The following FOXN4 variants were observed in gnomAD, a reference collection of about 807,000 sequenced individuals.
FOXN4 encodes the protein forkhead box protein N4.
Under a neutral mutation model 45.0 loss-of-function variants are expected in FOXN4, and 12 were observed. That is an observed-to-expected ratio of 0.27 (90% confidence interval 0.17 to 0.43). The LOEUF (loss-of-function observed/expected upper bound fraction) is 0.43, where lower values mean the gene tolerates loss of function less well. Ranked by LOEUF, FOXN4 falls within the 20% of genes least tolerant of loss-of-function variation. The pLI is 1.00. For missense variants in FOXN4, 560 were observed against 694.9 expected, an observed-to-expected ratio of 0.81 and a Z score of 2.18; for synonymous variants, 297 against 295.0, an observed-to-expected ratio of 1.01 and a Z score of -0.07.
At position 109,287,291 on chromosome 12, in the gene FOXN4, G is replaced by T; in HGVS notation, c.596+106C>A. On this transcript the variant is annotated intron_variant, in intron 6 of 9. Coordinates refer to ENST00000299162, the MANE Select transcript of FOXN4 (RefSeq NM_213596.3). This position sits in a 1 kb window ranked among gnomAD's most constrained non-coding sequence, Gnocchi z 4.1. ...CCCCACTCCCCAAAACCTCCCCCTT[G>T]GAAGTCTGGGCTGCCACACTAGCTG... 7.0e-7 allele frequency: 1 copy of T among 1,435,220 alleles called. No individual in the cohort carries two copies. The highest frequency in any genetic ancestry group is 9.4e-7 in the Non-Finnish European group (1 of 1,061,054). 88.9% of individuals were successfully genotyped at this position (1,435,220 alleles called of 1,614,324 possible).
chr12:109,285,208 A>G, intron 8 of FOXN4, 96 bp downstream of exon 8: 1 of 1,478,308 alleles, frequency 6.8e-7, no homozygotes, highest in Non-Finnish European at 9.1e-7. Context: ...AGGGTTGGCC[A>G]TGCTCTGGTG....
rs1487396236 is a variant in FOXN4 at position 109,287,472 on chromosome 12, G to A, written c.521C>T (p.Pro174Leu). The A allele has an allele frequency of 2.6e-6, 4 of 1,550,662 alleles. No individual in the cohort carries two copies. The highest frequency in any genetic ancestry group is 3.5e-6 in the Non-Finnish European group (4 of 1,146,546). ...GPPFGVRPPY[P>L]QPHVAVHSSQ... ...TGAATGCACAGCCACGTGGGGCTGG[G>A]GGTAGGGGGGCCGCACCCCAAATGG... The change falls in exon 6 of 10, where the codon CCC (proline) becomes CTC (leucine). Residue 174 changes from proline to leucine, a missense_variant. Physicochemically the swap from Pro to Leu is moderately conservative, Grantham distance 98. Around this residue, in one of 5 missense-constraint regions of FOXN4, gnomAD observed 61 missense variants for 59.8 expected, o/e 1.02. Coordinates refer to ENST00000299162, the MANE Select transcript of FOXN4 (RefSeq NM_213596.3). The surrounding 1 kb of genome is among the most constrained non-coding windows in gnomAD (Gnocchi z 4.1).
In FOXN4 at chr12:109,290,155, G is replaced by C. The variant is rs937942321; in HGVS notation, c.218C>G (p.Pro73Arg). 8.4e-6 allele frequency: 13 copies of C among 1,548,782 alleles called. No homozygotes were observed. The Admixed American group carries it at 2.0e-4, about 23-fold the overall frequency. ...GRVDLGGPCV[P>R]HPHPGALAGV... ...CCTGAGCCTACCTGGGTGTGGATGTGGCACGCAGGGGCCACCCAGGTCCAC... is the reference window on the plus strand; with the variant it reads ...CCTGAGCCTACCTGGGTGTGGATGTCGCACGCAGGGGCCACCCAGGTCCAC... Residue 73 changes from proline (P) to arginine (R), a missense_variant, in exon 3 of 10, where the codon CCA (proline) becomes CGA (arginine). Pro to Arg is a moderately radical substitution (Grantham distance 103, BLOSUM62 -2). Coordinates refer to ENST00000299162, the MANE Select transcript of FOXN4 (RefSeq NM_213596.3). This position sits in a 1 kb window ranked among gnomAD's most constrained non-coding sequence, Gnocchi z 5.1.
rs2047632426 is a variant in FOXN4 at position 109,279,572 on chromosome 12, C to T, written c.*99G>A. 13 of 1,503,258 alleles carry T rather than the reference C, an allele frequency of 8.6e-6. No homozygotes were observed. Among genetic ancestry groups the T allele is most frequent in the East Asian group, 2.5e-5 (1 of 40,444 alleles). The allele number at this position is 1,503,258 out of a possible 1,614,324, so 93.1% of individuals were successfully genotyped here. A position where few individuals can be genotyped will look rare whatever the true frequency, so the allele number is the denominator to read the frequency against. On this transcript the variant is annotated 3_prime_UTR_variant, in exon 10 of 10. Coordinates refer to ENST00000299162, the MANE Select transcript of FOXN4 (RefSeq NM_213596.3). ...TTCGCCACAGGTCCAGGAGAGGCTT[C>T]GGGGACAATGAGGGACCTGCCTTCT... is the stretch of plus-strand genomic sequence containing the variant.
intron 2 of FOXN4, among the ~76,000 whole-genome samples, chr12:109,304,186 G>C (rs1279318465): frequency 3.9e-5 from 4 of 102,356 alleles, no homozygotes; most frequent in African/African-American, 1.5e-4. Context: ...GCCAGACTCC[G>C]TCAAAAAAAA....
rs746954105 is a variant in FOXN4, at chr12:109,281,562, T to A, written c.1139A>T (p.Gln380Leu). 6.2e-7 allele frequency: 1 copy of A among 1,608,874 alleles called. No homozygotes were observed. The highest frequency in any genetic ancestry group is 1.7e-5 in the Admixed American group (1 of 58,988). ...HLAPDSPAPA[Q>L]TPPLHALPDL... ...CGGCAGGGCGTGCAGTGGCGGGGTCTGGGCTGGTGCTGGAGAGTCTGGAGC... is the reference window on the plus strand; with the variant it reads ...CGGCAGGGCGTGCAGTGGCGGGGTCAGGGCTGGTGCTGGAGAGTCTGGAGC... Residue 380 changes from glutamine (Q) to leucine (L), a missense_variant, in exon 9 of 10, where the codon CAG becomes CTG. Coordinates refer to ENST00000299162, the MANE Select transcript of FOXN4 (RefSeq NM_213596.3).
rs2047910662 is a variant in FOXN4, at chr12:109,305,244, T to G, written c.86+2992A>C. ...AGCCTTGGTTTCCTCATTCACCAAA[T>G]GGGCCCAAGAGTTCTACCTTCATGG... On this transcript the variant is annotated intron_variant, in intron 2 of 9. Coordinates refer to ENST00000299162, the MANE Select transcript of FOXN4 (RefSeq NM_213596.3). Among the ~76,000 whole-genome samples the G allele has an allele frequency of 2.0e-5, 3 of 152,178 alleles. No individual in the cohort carries two copies. In the South Asian group the frequency reaches 6.2e-4, roughly 32 times the overall value.
chr12:109,301,461 C>T (rs2047868411), intron 2 of FOXN4, among the ~76,000 whole-genome samples: 1 of 152,210 alleles, frequency 6.6e-6, no homozygotes, highest in African/African-American at 2.4e-5. Context: ...TGACCTGGCA[C>T]TCGACCATCT....
chr12:109,287,797 G>A lies in FOXN4; in HGVS notation c.468+47C>T, dbSNP rs1379087233. The A allele has an allele frequency of 1.4e-6, 2 of 1,480,760 alleles. No individual in the cohort carries two copies. The highest frequency in any genetic ancestry group is 1.3e-5 in the South Asian group (1 of 77,610). The allele number at this position is 1,480,760 out of a possible 1,614,324, so 91.7% of individuals were successfully genotyped here. On this transcript the variant is annotated intron_variant, in intron 5 of 9. Transcript: ENST00000299162. This position sits in a 1 kb window ranked among gnomAD's most constrained non-coding sequence, Gnocchi z 4.1. ...CAGAGGGGTCCCCGGCCAGCCCAAGGCAGGGTGTCTGCTGCTCAGTCCAGG... is the reference window on the plus strand; with the variant it reads ...CAGAGGGGTCCCCGGCCAGCCCAAGACAGGGTGTCTGCTGCTCAGTCCAGG...
chr12:109,303,624 G>A (rs573551665), intron 2 of FOXN4, among the ~76,000 whole-genome samples: 3 of 152,276 alleles, frequency 2.0e-5, no homozygotes, highest in East Asian at 1.9e-4. Flanking sequence ...CATCCAGCAC[G>A]AGGATCCAGA....
In FOXN4 at chr12:109,278,446, C is replaced by A. The variant is rs547180480; in HGVS notation, c.*1225G>T. Reference sequence around the variant, plus strand: ...GTCTCTCTTCTAACCCAGCTATCTGCGGAACTTGCCACTTGGGGAGTCAGT... The same window carrying A: ...GTCTCTCTTCTAACCCAGCTATCTGAGGAACTTGCCACTTGGGGAGTCAGT... On this transcript the variant is annotated 3_prime_UTR_variant, in exon 10 of 10. Transcript: ENST00000299162. 3 of 152,178 alleles carry A rather than the reference C, an allele frequency of 2.0e-5. No homozygotes were observed. The highest frequency in any genetic ancestry group is 2.9e-5 in the Non-Finnish European group (2 of 68,038). 9.4% of individuals were successfully genotyped at this position (152,178 alleles called of 1,614,324 possible). A position where few individuals can be genotyped will look rare whatever the true frequency, so the allele number is the denominator to read the frequency against.
chr12:109,285,191 C>T lies in FOXN4; in HGVS notation c.901+113G>A. On this transcript the variant is annotated intron_variant, in intron 8 of 9. Transcript: ENST00000299162. ...GTGTGTGCGCGTGCGTATGCATCGG[C>T]TTCACCAGGGTTGGCCATGCTCTGG... 2.2e-6 allele frequency: 3 copies of T among 1,335,496 alleles called. No homozygotes were observed. The South Asian group carries it at 3.8e-5, about 17-fold the overall frequency. 82.7% of individuals were successfully genotyped at this position (1,335,496 alleles called of 1,614,324 possible). A position where few individuals can be genotyped will look rare whatever the true frequency, so the allele number is the denominator to read the frequency against.
rs975674045 is a variant in FOXN4 at position 109,279,735 on chromosome 12, G to A, written c.1490C>T (p.Ser497Leu). Residue 497 changes from serine to leucine, a missense_variant, in exon 10 of 10, where the codon TCG becomes TTG. Ser to Leu is a moderately radical substitution (Grantham distance 145). Transcript: ENST00000299162. ...GTACTGGGAGGAGGAGCTGGTGCCC[G>A]ATGCAGCCACACTGTCCGGAGTGGA... is the stretch of plus-strand genomic sequence containing the variant. ...AYSTPDSVAA[S>L]GTSSSSQYLG... 2.2e-5 allele frequency: 35 copies of A among 1,581,250 alleles called. No individual in the cohort carries two copies. Among genetic ancestry groups the A allele is most frequent in the Middle Eastern group, 3.3e-4 (2 of 6,028 alleles).
chr12:109,307,217 G>A (rs1297556909), intron 2 of FOXN4, among the ~76,000 whole-genome samples: 1 of 152,250 alleles, frequency 6.6e-6, no homozygotes, highest in African/African-American at 2.4e-5. Flanking sequence ...CACTCCTGGT[G>A]AGTTGCAGTG....
At position 109,288,976 on chromosome 12, in the gene FOXN4, T is replaced by A. The variant is rs2047741688; in HGVS notation, c.233-796A>T. Among the ~76,000 whole-genome samples, 1 of 152,260 alleles carries A rather than the reference T, an allele frequency of 6.6e-6. No homozygotes were observed. Among genetic ancestry groups the A allele is most frequent in the Non-Finnish European group, 1.5e-5 (1 of 68,048 alleles). ...TGGGACCACAACTTATATCATTCAT[T>A]GCTCCAAATGCCTGGCACAGTAACA... On this transcript the variant is annotated intron_variant, in intron 3 of 9. Coordinates refer to ENST00000299162, the MANE Select transcript of FOXN4 (RefSeq NM_213596.3). This position sits in a 1 kb window ranked among gnomAD's most constrained non-coding sequence, Gnocchi z 4.3.
Position 109,287,940 on chromosome 12 carries a change from G to A in FOXN4, c.372C>T (p.Pro124=), listed in dbSNP as rs755366175. Residue 124 remains proline, a synonymous_variant, in exon 5 of 10, where the codon CCC becomes CCT. Transcript: ENST00000299162. This position sits in a 1 kb window ranked among gnomAD's most constrained non-coding sequence, Gnocchi z 4.1. ...GGCCAGATGAGGGCTGGCCCCCCACGGGGAACTGGCTCATCTGCTGGGCAG... is the reference window on the plus strand; with the variant it reads ...GGCCAGATGAGGGCTGGCCCCCCACAGGGAACTGGCTCATCTGCTGGGCAG... ...TGHRDSMSQF[P]VGGQPSSGLQ... 1.3e-4 allele frequency: 195 copies of A among 1,549,448 alleles called. No individual in the cohort carries two copies. Among genetic ancestry groups the A allele is most frequent in the Non-Finnish European group, 1.6e-4 (185 of 1,146,916 alleles).
At chr12:109,285,610 G>T in intron 7 of FOXN4, 99 bp from the exon 8 acceptor site, 1 of 1,270,182 alleles carries the variant, frequency 7.9e-7, no homozygotes, top group Non-Finnish European at 1.1e-6. Context: ...CACCGCGGTG[G>T]CAGGAGTAAT....
At chr12:109,285,154 G>A in intron 8 of FOXN4, 150 bp downstream of exon 8, 3 of 955,032 alleles carry the variant, frequency 3.1e-6, no homozygotes, top group Non-Finnish European at 4.8e-6. Flanking sequence ...TTGTGTGTGT[G>A]CGCATATTTG....
At position 109,293,587 on chromosome 12, in the gene FOXN4, T is replaced by A. The variant is rs546094171; in HGVS notation, c.87-3301A>T. Among the ~76,000 whole-genome samples, 5 of 152,256 alleles carry A rather than the reference T, an allele frequency of 3.3e-5. No homozygotes were observed. In the East Asian group the frequency reaches 9.6e-4, roughly 29 times the overall value. On this transcript the variant is annotated intron_variant, in intron 2 of 9. Coordinates refer to ENST00000299162, the MANE Select transcript of FOXN4 (RefSeq NM_213596.3). ...ATCTCGGCTCACTGCAACCTCCGCCTCCTGAGTTCAAGCGATTCTCCTGCC... is the reference window on the plus strand; with the variant it reads ...ATCTCGGCTCACTGCAACCTCCGCCACCTGAGTTCAAGCGATTCTCCTGCC...
Sources: allele counts gnomAD v4.1 joint callset (sites outside exome capture counted in the v4.1 genomes callset), GRCh38; gene constraint gnomAD v4.1.1; regional missense constraint gnomAD v4.1.1; non-coding constraint Gnocchi (gnomAD v3.1); transcripts MANE v1.5; gene names NCBI Gene and HGNC (gene_info 2026-07-23, HGNC 2026-07-21).